Variants in STPG2 observed in about 807,000 individuals in gnomAD.
STPG2 encodes sperm tail PG-rich repeat containing 2, also known as sperm-tail PG-rich repeat-containing protein 2.
Under a neutral mutation model 54.2 loss-of-function variants are expected in STPG2, and 56 were observed. The ratio of observed to expected loss-of-function variants is 1.03; its 90% CI spans 0.83 to 1.29. STPG2 has a LOEUF of 1.29. Among genes scored for constraint, STPG2 ranks in the 50% most tolerant of loss-of-function variants. STPG2 has a pLI of 0.00. For missense variants in STPG2, 596 were observed against 544.9 expected, an observed-to-expected ratio of 1.09 and a Z score of -0.93; for synonymous variants, 200 against 181.8, an observed-to-expected ratio of 1.10 and a Z score of -0.81.
chr4:97,598,404 CA>C (rs1398056867), intron 10 of STPG2, among the ~76,000 whole-genome samples: 2 of 151,598 alleles, frequency 1.3e-5, no homozygotes, highest in Non-Finnish European at 2.9e-5. Flanking sequence ...CATATGGAAC[CA>C]AAAAAGAAAC....
intron 5 of STPG2, among the ~76,000 whole-genome samples, chr4:98,077,275 C>T (rs1738200505): frequency 6.6e-6 from 1 of 150,676 alleles, no homozygotes; most frequent in Non-Finnish European, 1.5e-5. Flanking sequence ...ACAGAGTCCC[C>T]CTCTGTCGCC....
At chr4:98,096,657 T>G (rs1738868508) in intron 5 of STPG2, among the ~76,000 whole-genome samples, 1 of 151,738 alleles carries the variant, frequency 6.6e-6, no homozygotes, top group African/African-American at 2.4e-5. Flanking sequence ...TGAAGAAAAC[T>G]ATACAAAAGA....
At chr4:97,836,803 G>T (rs1216419928) in intron 9 of STPG2, among the ~76,000 whole-genome samples, 1 of 149,756 alleles carries the variant, frequency 6.7e-6, no homozygotes. Flanking sequence ...CTGTATCACA[G>T]CATATATTAT....
At chr4:97,620,769 T>A (rs1047626866) in intron 10 of STPG2, among the ~76,000 whole-genome samples, 1 of 152,084 alleles carries the variant, frequency 6.6e-6, no homozygotes, top group Non-Finnish European at 1.5e-5. Flanking sequence ...ATTCAGGACT[T>A]GAACTCAACG....
chr4:97,486,445 T>C (rs1224866745), intron 4 of STPG2, among the ~76,000 whole-genome samples: 2 of 151,742 alleles, frequency 1.3e-5, no homozygotes, highest in Non-Finnish European at 2.9e-5. Flanking sequence ...ATCAGGGAAA[T>C]GCATATCAAA....
chr4:97,999,465 G>A lies in STPG2; in HGVS notation c.613-18147C>T, dbSNP rs1735343621. 3.3e-5 allele frequency among the ~76,000 whole-genome samples: 5 copies of A among 152,140 alleles called. No homozygotes were observed. In the South Asian group the frequency reaches 1.0e-3, roughly 32 times the overall value. On this transcript the variant is annotated intron_variant, in intron 5 of 10. Transcript: ENST00000295268. ...TGCCTGTAATCCCAGCAGTTTGGGA[G>A]GCCGAGGTGGGCAGATCATTTGAGG... is the stretch of plus-strand genomic sequence containing the variant.
chr4:97,558,540 G>A (rs1052788907), downstream of STPG2, among the ~76,000 whole-genome samples: 5 of 152,212 alleles, frequency 3.3e-5, no homozygotes, highest in South Asian at 2.1e-4. Flanking sequence ...TGTATGCTAC[G>A]CTATAGAGAG....
Position 97,948,259 on chromosome 4 carries a change from T to A in STPG2, c.934-4252A>T, listed in dbSNP as rs575313986. ...TCTTTTGTGTTTCTGTGGTGTAGGT[T>A]GTAATGTCTCCAATTTTATTTCTAA... On this transcript the variant is annotated intron_variant, in intron 7 of 10. Coordinates refer to ENST00000295268, the MANE Select transcript of STPG2 (RefSeq NM_174952.3). 2.8e-4 allele frequency among the ~76,000 whole-genome samples: 42 copies of A among 152,192 alleles called. 2 individuals are homozygous for A. Among genetic ancestry groups the A allele is most frequent in the Middle Eastern group, 6.8e-3 (2 of 294 alleles).
chr4:97,448,072 C>T (rs769252603), intron 4 of STPG2, among the ~76,000 whole-genome samples: 9 of 152,188 alleles, frequency 5.9e-5, no homozygotes, highest in Non-Finnish European at 1.0e-4. Context: ...TTAATCTCTG[C>T]CCTGTTGGCT....
chr4:97,895,998 T>C (rs1193339492), intron 8 of STPG2, among the ~76,000 whole-genome samples: 1 of 151,854 alleles, frequency 6.6e-6, no homozygotes, highest in Non-Finnish European at 1.5e-5. Flanking sequence ...GCTTCAGGTG[T>C]GACTTTAAAA....
At chr4:97,912,331 AAAG>A (rs1731712637) in intron 8 of STPG2, among the ~76,000 whole-genome samples, 1 of 152,234 alleles carries the variant, frequency 6.6e-6, no homozygotes, top group Non-Finnish European at 1.5e-5. Context: ...CGCTGAATTG[AAAG>A]AAGTAGACTT....
chr4:97,970,718 C>T (rs1269842316), intron 7 of STPG2, among the ~76,000 whole-genome samples: 1 of 152,164 alleles, frequency 6.6e-6, no homozygotes, highest in Non-Finnish European at 1.5e-5. Flanking sequence ...TAGAAGAAAA[C>T]CTAGGCAATA....
chr4:97,456,826 T>C lies in STPG2; in HGVS notation c.462+255873A>G, dbSNP rs535057315. 1.8e-3 allele frequency among the ~76,000 whole-genome samples: 263 copies of C among 143,044 alleles called. 2 individuals carry two copies. Among genetic ancestry groups the C allele is most frequent in the African/African-American group, 7.0e-3 (249 of 35,552 alleles). The allele number at this position is 143,044 out of a possible 152,430, so 93.8% of individuals were successfully genotyped here. Reference sequence around the variant, plus strand: ...CAGGAGAATGGCGTGAATCCAGGAGTTGGAGCTAGAGTGAGCTGAGATCGC... The same window carrying C: ...CAGGAGAATGGCGTGAATCCAGGAGCTGGAGCTAGAGTGAGCTGAGATCGC... On this transcript the variant is annotated intron_variant, in intron 4 of 4. Coordinates refer to the STPG2 transcript ENST00000522676.
At chr4:97,870,552 A>G (rs1010283994) in intron 8 of STPG2, among the ~76,000 whole-genome samples, 1 of 151,412 alleles carries the variant, frequency 6.6e-6, no homozygotes, top group Non-Finnish European at 1.5e-5. Context: ...AAAAATTACA[A>G]TTCAATCCAA....
intron 9 of STPG2, among the ~76,000 whole-genome samples, chr4:97,778,329 G>T (rs1357469772): frequency 6.6e-6 from 1 of 152,128 alleles, no homozygotes. Context: ...ACGGAGCCTC[G>T]CTCATTCCTA....
At chr4:97,615,200 C>G (rs563257424) in intron 10 of STPG2, among the ~76,000 whole-genome samples, 7 of 152,192 alleles carry the variant, frequency 4.6e-5, no homozygotes, top group Non-Finnish European at 8.8e-5. Context: ...TCTTTTTAAA[C>G]TGATGACTTA....
At chr4:98,017,686 G>A (rs962652963) in intron 5 of STPG2, among the ~76,000 whole-genome samples, 2 of 152,194 alleles carry the variant, frequency 1.3e-5, no homozygotes, top group African/African-American at 4.8e-5. Context: ...TTTCTGTGAA[G>A]GTGATATGGT....
intron 4 of STPG2, among the ~76,000 whole-genome samples, chr4:97,536,373 G>T (rs986877282): frequency 6.6e-6 from 1 of 152,074 alleles, no homozygotes; most frequent in Non-Finnish European, 1.5e-5. Flanking sequence ...TATAGTGAGG[G>T]AGTTCCCAAA....
chr4:97,891,138 C>G lies in STPG2; in HGVS notation c.1045-50206G>C, dbSNP rs538392951. Among the ~76,000 whole-genome samples, 7 of 152,142 alleles carry G rather than the reference C, an allele frequency of 4.6e-5. No homozygotes were observed. In the South Asian group the frequency reaches 1.4e-3, roughly 32 times the overall value. ...AAGCATTGTACAACTATTAGACATA[C>G]TAAATTCTGTGCACGCATTACTTTG... is the stretch of plus-strand genomic sequence containing the variant. On this transcript the variant is annotated intron_variant, in intron 8 of 10. Transcript: ENST00000295268.
Sources: allele counts gnomAD v4.1 joint callset (sites outside exome capture counted in the v4.1 genomes callset), GRCh38; gene constraint gnomAD v4.1.1; transcripts MANE v1.5; gene names NCBI Gene and HGNC (gene_info 2026-07-23, HGNC 2026-07-21).